Variants in NUDT11 observed in about 807,000 individuals in gnomAD.
NUDT11 encodes the protein nudix hydrolase 11.
A neutral mutation model predicts 10.0 loss-of-function variants in NUDT11; 1 was observed. The observed-to-expected ratio is 0.10, with a 90% CI of 0.04 to 0.47. The LOEUF (loss-of-function observed/expected upper bound fraction) is 0.47. NUDT11 is among the 20% of genes least tolerant of loss of function. The pLI is 0.96. For missense variants in NUDT11, 47 were observed against 140.4 expected (o/e 0.33, Z 3.36); for synonymous variants, 63 against 65.9 (o/e 0.96, Z 0.21).
At chrX:51,495,018 ATGGTAT>A (rs1205725794) in intron 1 of NUDT11, among the ~76,000 whole-genome samples, 1 of 111,876 alleles carries the variant, frequency 8.9e-6, no homozygotes, top group Non-Finnish European at 1.9e-5. Context: ...TGGTTCTTCT[ATGGTAT>A]CCAGTAAGGG....
rs782400408 is a variant in NUDT11, at chrX:51,491,762, AC to A, written c.*-14del. On this transcript the variant is annotated splice_polypyrimidine_tract_variant and intron_variant, in intron 1 of 1. Transcript: ENST00000375992. ...CTTTGCTGTTCATCTGGAAAAACAA[AC>A]CAACACACAATTAGCAGGCTTATGT... 1 of 571,209 alleles carries A rather than the reference AC, an allele frequency of 1.8e-6. No individual in the cohort carries two copies. Among genetic ancestry groups the A allele is most frequent in the East Asian group, 3.2e-5 (1 of 30,835 alleles). 47.1% of individuals were successfully genotyped at this position (571,209 alleles called of 1,213,427 possible).
intron 1 of NUDT11, 137 bp downstream of exon 1, chrX:51,495,814 A>G: frequency 1.0e-6 from 1 of 955,893 alleles, no homozygotes; most frequent in Non-Finnish European, 1.4e-6. Context: ...AGCGTGATTC[A>G]GAGGGTCTGC....
At position 51,495,837 on chromosome X, in the gene NUDT11, A is replaced by G. The variant is rs1602117570; in HGVS notation, c.494+114T>C. ...TCAGAGGGTCTGCCAAGGAAACAAA[A>G]GAAGCCTCCCTCCTCCCCGTGAGAC... On this transcript the variant is annotated intron_variant, in intron 1 of 1. Transcript: ENST00000375992. The G allele has an allele frequency of 2.8e-6, 3 of 1,065,187 alleles. No homozygotes were observed. In the East Asian group the frequency reaches 9.8e-5, roughly 35 times the overall value. 87.8% of individuals were successfully genotyped at this position (1,065,187 alleles called of 1,213,427 possible).
In NUDT11 at chrX:51,491,091, G is replaced by T. The variant is rs782580763; in HGVS notation, c.*658C>A. On this transcript the variant is annotated 3_prime_UTR_variant, in exon 2 of 2. Transcript: ENST00000375992. Reference sequence around the variant, plus strand: ...GTGATAGTTTTTGAATAAAATTTAAGCAAATCATCAACAGTACAAAAACAC... The same window carrying T: ...GTGATAGTTTTTGAATAAAATTTAATCAAATCATCAACAGTACAAAAACAC... 1.8e-5 allele frequency: 2 copies of T among 112,215 alleles called. No individual in the cohort carries two copies. Among genetic ancestry groups the T allele is most frequent in the Non-Finnish European group, 3.8e-5 (2 of 53,159 alleles). 9.2% of individuals were successfully genotyped at this position (112,215 alleles called of 1,213,427 possible).
Position 51,491,663 on chromosome X carries a change from T to C in NUDT11, c.*86A>G. ...AGCTGTCTTCTTGGGAACACAGAAG[T>C]GCTCACCTGTACTTGACAATTCCAC... On this transcript the variant is annotated 3_prime_UTR_variant, in exon 2 of 2. Transcript: ENST00000375992. 1 of 564,334 alleles carries C rather than the reference T, an allele frequency of 1.8e-6. No homozygotes were observed. Among genetic ancestry groups the C allele is most frequent in the Non-Finnish European group, 3.3e-6 (1 of 306,324 alleles). 46.5% of individuals were successfully genotyped at this position (564,334 alleles called of 1,213,427 possible).
intron 1 of NUDT11, 28 bp downstream of exon 1, chrX:51,495,923 A>C: frequency 8.3e-7 from 1 of 1,205,519 alleles, no homozygotes; most frequent in South Asian, 1.8e-5. Context: ...GACAAATAGA[A>C]GTCTGCGCGA....
chrX:51,492,141 G>A (rs184833546), intron 1 of NUDT11, among the ~76,000 whole-genome samples: 1 of 111,932 alleles, frequency 8.9e-6, no homozygotes, highest in Non-Finnish European at 1.9e-5. Flanking sequence ...TAAACTCTGC[G>A]AACCATGACA....
intron 1 of NUDT11, among the ~76,000 whole-genome samples, chrX:51,492,369 CT>C (rs782535873): frequency 2.1e-3 from 209 of 101,059 alleles, no homozygotes; most frequent in African/African-American, 3.2e-3. Context: ...TGCGCTCACT[CT>C]TTTTTTTTTT....
chrX:51,494,743 G>A (rs1236850003), intron 1 of NUDT11, among the ~76,000 whole-genome samples: 1 of 111,658 alleles, frequency 9.0e-6, no homozygotes, highest in Non-Finnish European at 1.9e-5. Context: ...TGATGTAGAT[G>A]CTGGTCACCT....
chrX:51,491,838 A>G, intron 1 of NUDT11, 89 bp from the exon 2 acceptor site: 1 of 563,817 alleles, frequency 1.8e-6, no homozygotes, highest in Admixed American at 2.2e-5. Context: ...TATGTACATC[A>G]ATCACTTTGC....
In NUDT11 at chrX:51,496,358, G is replaced by C; in HGVS notation, c.87C>G (p.Arg29=). The change falls in exon 1 of 2, where the codon CGC becomes CGG. Residue 29 remains arginine, a synonymous_variant. Transcript: ENST00000375992. ...TACTCACTAACAGGACCTCGTCCTC[G>C]CGTTCGCTCCGGAAGCACAGGCACG... ...RAACLCFRSE[R]EDEVLLVSSS... 8.3e-7 allele frequency: 1 copy of C among 1,208,893 alleles called. No individual in the cohort carries two copies. The highest frequency in any genetic ancestry group is 1.1e-6 in the Non-Finnish European group (1 of 894,375).
intron 1 of NUDT11, among the ~76,000 whole-genome samples, chrX:51,492,097 T>G (rs1383031872): frequency 8.9e-6 from 1 of 112,145 alleles, no homozygotes; most frequent in Non-Finnish European, 1.9e-5. Context: ...TTCAGTCCAG[T>G]GACCACATGG....
rs1557326048 is a variant in NUDT11, at chrX:51,490,131, T to C, written c.*1618A>G. 1 of 111,903 alleles carries C rather than the reference T, an allele frequency of 8.9e-6. No individual in the cohort carries two copies. Among genetic ancestry groups the C allele is most frequent in the Non-Finnish European group, 1.9e-5 (1 of 53,211 alleles). The allele number at this position is 111,903 out of a possible 1,213,427, so 9.2% of individuals were successfully genotyped here. ...GCAATTACCAATTTATGGCCAATCT[T>C]GTTTCATCTATGTACTCAATTACCC... is the stretch of plus-strand genomic sequence containing the variant. On this transcript the variant is annotated 3_prime_UTR_variant, in exon 2 of 2. Coordinates refer to ENST00000375992, the MANE Select transcript of NUDT11 (RefSeq NM_018159.4).
rs1557326124 is a variant in NUDT11 at position 51,490,958 on chromosome X, G to A, written c.*791C>T. On this transcript the variant is annotated 3_prime_UTR_variant, in exon 2 of 2. Transcript: ENST00000375992. Reference sequence around the variant, plus strand: ...GACATGTAAGAAGTGGTTAGGGCAGGCATTGCAAAAAAATGTCTTATATAT... The same window carrying A: ...GACATGTAAGAAGTGGTTAGGGCAGACATTGCAAAAAAATGTCTTATATAT... The A allele has an allele frequency of 2.7e-5, 3 of 111,846 alleles. No homozygotes were observed. The highest frequency in any genetic ancestry group is 5.6e-5 in the Non-Finnish European group (3 of 53,128). The allele number at this position is 111,846 out of a possible 1,213,427, so 9.2% of individuals were successfully genotyped here.
In NUDT11 at chrX:51,496,050, T is replaced by C. The variant is rs1557326623; in HGVS notation, c.395A>G (p.His132Arg). ...CAGATATTCGGCGTGCACGGGCTTG[T>C]GGCACTGGAGAACCTTGATGGCATC... Reference protein sequence around the residue: ...VEDAIKVLQCHKPVHAEYLEK... With the variant: ...VEDAIKVLQCRKPVHAEYLEK... The change falls in exon 1 of 2, where the codon CAC becomes CGC. Residue 132 changes from histidine (H) to arginine (R), a missense_variant. Coordinates refer to ENST00000375992, the MANE Select transcript of NUDT11 (RefSeq NM_018159.4). 8.3e-7 allele frequency: 1 copy of C among 1,210,811 alleles called. No individual in the cohort carries two copies. The highest frequency in any genetic ancestry group is 2.2e-5 in the Admixed American group (1 of 46,094).
rs1557326179 is a variant in NUDT11 at position 51,491,568 on chromosome X, A to G, written c.*181T>C. ...AGAGTCTATTCACGTATAAGAGTACAACAACCAGAGCAAGAGTCAGTGGTA... is the reference window on the plus strand; with the variant it reads ...AGAGTCTATTCACGTATAAGAGTACGACAACCAGAGCAAGAGTCAGTGGTA... On this transcript the variant is annotated 3_prime_UTR_variant, in exon 2 of 2. Transcript: ENST00000375992. 2.3e-6 allele frequency: 1 copy of G among 443,850 alleles called. No homozygotes were observed. Among genetic ancestry groups the G allele is most frequent in the East Asian group, 3.7e-5 (1 of 26,955 alleles). 36.6% of individuals were successfully genotyped at this position (443,850 alleles called of 1,213,427 possible).
Sources: gnomAD v4.1 joint callset for allele counts (sites outside exome capture counted in the v4.1 genomes callset) on GRCh38, gnomAD v4.1.1 for gene constraint, MANE v1.5 for transcripts, NCBI Gene and HGNC (gene_info 2026-07-23, HGNC 2026-07-21) for gene names.